EVA1C: variants seen among roughly 807,000 people sequenced by gnomAD.
EVA1C encodes protein eva-1 homolog C.
A neutral mutation model predicts 45.4 loss-of-function variants in EVA1C; 25 were observed. That is an observed-to-expected ratio of 0.55 (90% CI 0.40 to 0.77). The LOEUF is 0.77. Among genes scored for constraint, EVA1C ranks in the 30% least tolerant of loss-of-function variants. EVA1C has a pLI of 0.00. For missense variants in EVA1C, 479 were observed against 554.8 expected, an observed-to-expected ratio of 0.86 and a Z score of 1.37; for synonymous variants, 190 against 221.2, an observed-to-expected ratio of 0.86 and a Z score of 1.25.
At chr21:32,441,744 A>C (rs747011353) in intron 1 of EVA1C, among the ~76,000 whole-genome samples, 1 of 152,326 alleles carries the variant, frequency 6.6e-6, no homozygotes, top group East Asian at 1.9e-4. Flanking sequence ...GATGAATCAG[A>C]GGGTTGGTGT....
intron 7 of EVA1C, among the ~76,000 whole-genome samples, chr21:32,511,216 G>A (rs975052577): frequency 6.6e-6 from 1 of 152,040 alleles, no homozygotes; most frequent in Admixed American, 6.6e-5. Context: ...AGGAGTTCAA[G>A]ACCAGCCTGG....
chr21:32,514,189 TCCCCCACGGGTACCAAGGGATGA>T (rs1415631724), intron 7 of EVA1C, among the ~76,000 whole-genome samples: 1 of 152,072 alleles, frequency 6.6e-6, no homozygotes, highest in African/African-American at 2.4e-5. Context: ...CTGGAACCAG[TCCCCCACGGGTACCAAGGGATGA>T]CTGTATATTT....
intron 2 of EVA1C, among the ~76,000 whole-genome samples, chr21:32,456,479 T>A (rs888277237): frequency 1.3e-5 from 2 of 152,204 alleles, no homozygotes; most frequent in African/African-American, 4.8e-5. Flanking sequence ...ATCTGAAAGC[T>A]GCACCTTCTG....
intron 1 of EVA1C, among the ~76,000 whole-genome samples, chr21:32,416,325 T>TTC (rs201920066): frequency 0.011 from 1,462 of 135,474 alleles, 21 homozygotes; most frequent in African/African-American, 0.038. Context: ...CTTTTTCTTT[T>TTC]TTTTTTTTTT....
At chr21:32,511,597 G>A (rs2037955481) in intron 7 of EVA1C, among the ~76,000 whole-genome samples, 1 of 152,146 alleles carries the variant, frequency 6.6e-6, no homozygotes, top group South Asian at 2.1e-4. Context: ...CAGATCAGGG[G>A]AACACAAATC....
intron 4 of EVA1C, among the ~76,000 whole-genome samples, chr21:32,475,365 ATCAT>A (rs2036516750): frequency 6.6e-6 from 1 of 151,456 alleles, no homozygotes; most frequent in Non-Finnish European, 1.5e-5. Flanking sequence ...CATCATCATC[ATCAT>A]TTTTATTGTT....
intron 4 of EVA1C, among the ~76,000 whole-genome samples, chr21:32,493,925 G>A (rs562400281): frequency 2.6e-5 from 4 of 152,028 alleles, no homozygotes; most frequent in Admixed American, 6.5e-5. Flanking sequence ...TCAGCCTCCC[G>A]AGTAGCTGGG....
upstream of EVA1C, chr21:32,412,168 T>C (rs529157956): frequency 2.0e-4 from 30 of 152,194 alleles, no homozygotes; most frequent in Non-Finnish European, 3.5e-4. Context: ...GGGCTCAGTC[T>C]CCTCTTCTGT....
chr21:32,456,570 G>A (rs913174243), intron 2 of EVA1C, among the ~76,000 whole-genome samples: 7 of 152,218 alleles, frequency 4.6e-5, no homozygotes, highest in African/African-American at 9.6e-5. Context: ...GATACCTGGC[G>A]GGGCCAGCAT....
chr21:32,466,671 C>T (rs1226573053), intron 3 of EVA1C, among the ~76,000 whole-genome samples: 1 of 152,156 alleles, frequency 6.6e-6, no homozygotes, highest in African/African-American at 2.4e-5. Flanking sequence ...AATGCACCAT[C>T]AGCTTGACAG....
At chr21:32,437,370 A>T (rs371385594) in intron 1 of EVA1C, among the ~76,000 whole-genome samples, 11 of 151,804 alleles carry the variant, frequency 7.2e-5, no homozygotes, top group African/African-American at 2.7e-4. Flanking sequence ...CACCTTCCTC[A>T]TTTCTCCCCC....
chr21:32,449,396 C>A (rs2035492468), intron 1 of EVA1C, among the ~76,000 whole-genome samples: 1 of 152,216 alleles, frequency 6.6e-6, no homozygotes, highest in East Asian at 1.9e-4. Flanking sequence ...TGACCTCTGG[C>A]AACCATGGAT....
chr21:32,442,982 A>AAGGGAGGGAGGGAGGGAAGGAGGG (rs1337032871), intron 1 of EVA1C, among the ~76,000 whole-genome samples: 1 of 119,264 alleles, frequency 8.4e-6, no homozygotes, highest in East Asian at 3.0e-4. Context: ...GAAGGGAAGG[A>AAGGGAGGGAGGGAGGGAAGGAGGG]AGGGAGGGAG....
At chr21:32,481,723 A>G (rs2036795912) in intron 4 of EVA1C, among the ~76,000 whole-genome samples, 1 of 152,210 alleles carries the variant, frequency 6.6e-6, no homozygotes, top group East Asian at 1.9e-4. Context: ...CGATACTTTC[A>G]TTTCAAAGCA....
intron 4 of EVA1C, among the ~76,000 whole-genome samples, chr21:32,488,734 C>A (rs186873244): frequency 1.3e-5 from 2 of 152,026 alleles, no homozygotes; most frequent in Non-Finnish European, 2.9e-5. Flanking sequence ...TACAGGCACA[C>A]GCCACCACAC....
intron 4 of EVA1C, among the ~76,000 whole-genome samples, chr21:32,491,141 A>G (rs2037140284): frequency 1.3e-5 from 2 of 152,196 alleles, no homozygotes; most frequent in Admixed American, 1.3e-4. Context: ...ACAGGGGAGA[A>G]GGAAGTATTT....
chr21:32,490,876 T>TC (rs1396609054), intron 4 of EVA1C, among the ~76,000 whole-genome samples: 2 of 152,208 alleles, frequency 1.3e-5, no homozygotes, highest in Non-Finnish European at 2.9e-5. Flanking sequence ...AGGAGTAGGC[T>TC]CCAAGAGCCA....
chr21:32,510,628 G>C (rs1039895759), intron 7 of EVA1C, among the ~76,000 whole-genome samples: 4 of 152,208 alleles, frequency 2.6e-5, no homozygotes, highest in Non-Finnish European at 4.4e-5. Context: ...GGAGGATGGG[G>C]ACCAGGTGCC....
At chr21:32,484,595 T>G (rs2146364861) in intron 4 of EVA1C, among the ~76,000 whole-genome samples, 1 of 151,982 alleles carries the variant, frequency 6.6e-6, no homozygotes, top group East Asian at 1.9e-4. Context: ...CTCATGCAAC[T>G]CACATGTGTC....
Sources: allele counts gnomAD v4.1 joint callset (sites outside exome capture counted in the v4.1 genomes callset), GRCh38; gene constraint gnomAD v4.1.1; transcripts MANE v1.5; gene names NCBI Gene and HGNC (gene_info 2026-07-23, HGNC 2026-07-21).